Variants in ABCA2 observed in about 807,000 individuals in gnomAD.
ABCA2 encodes ATP-binding cassette sub-family A member 2.
In ABCA2, 84 loss-of-function variants were observed where a neutral mutation model predicts 262.8. That is an observed-to-expected ratio of 0.32 (90% CI 0.27 to 0.38). The LOEUF is 0.38. Ranked by LOEUF, ABCA2 falls within the 10% of genes least tolerant of loss-of-function variation. The pLI is 1.00. For missense variants in ABCA2, 2,662 were observed against 3,405.9 expected, an observed-to-expected ratio of 0.78 and a Z score of 5.44; for synonymous variants, 1,696 against 1,502.9, an observed-to-expected ratio of 1.13 and a Z score of -2.97.
chr9:137,012,229 T>G, intron 33 of ABCA2, 36 bp downstream of exon 33: 1 of 952,210 alleles, frequency 1.1e-6, no homozygotes, highest in Non-Finnish European at 1.5e-6. Context: ...CCCCAGCTCC[T>G]CCCCGCCCCG....
rs959801152 is a variant in ABCA2 at position 137,009,977 on chromosome 9, C to T, written c.6495+6G>A. On this transcript the variant is annotated splice_donor_region_variant and intron_variant, in intron 42 of 48. Transcript: ENST00000341511. Reference sequence around the variant, plus strand: ...TGACTCCCTGCCCCGCCCCACAGATCCTCACCCGGGCCTCGTCCTTCCAGG... The same window carrying T: ...TGACTCCCTGCCCCGCCCCACAGATTCTCACCCGGGCCTCGTCCTTCCAGG... The T allele has an allele frequency of 3.1e-6, 5 of 1,596,912 alleles. No homozygotes were observed. The highest frequency in any genetic ancestry group is 4.3e-6 in the Non-Finnish European group (5 of 1,171,634).
chr9:137,015,897 G>A lies in ABCA2; in HGVS notation c.3318-26C>T, dbSNP rs368268301. 1.3e-4 allele frequency: 203 copies of A among 1,607,290 alleles called. 2 individuals carry two copies. The highest frequency in any genetic ancestry group is 7.4e-4 in the South Asian group (67 of 90,870). Reference sequence around the variant, plus strand: ...CTGGGACAGGGAGGTGGGGCATGGGGCTGCTGCTATGCAGAGCCCCAGGGC... The same window carrying A: ...CTGGGACAGGGAGGTGGGGCATGGGACTGCTGCTATGCAGAGCCCCAGGGC... On this transcript the variant is annotated intron_variant, in intron 22 of 48. Transcript: ENST00000341511.
Position 137,013,165 on chromosome 9 carries a change from C to G in ABCA2, c.4704G>C (p.Ala1568=). The change falls in exon 30 of 49, where the codon GCG becomes GCC. Residue 1568 remains alanine, a synonymous_variant. Transcript: ENST00000341511. ...NLSSGESRLL[A]ARFFDSMCLE... ...GACACATGCTGTCGAAGAACCGAGC[C>G]GCCAGCAGGCGCGACTCCCCGCTGC... The G allele has an allele frequency of 6.3e-7, 1 of 1,599,948 alleles. No individual in the cohort carries two copies. Among genetic ancestry groups the G allele is most frequent in the Non-Finnish European group, 8.5e-7 (1 of 1,175,226 alleles).
rs769240811 is a variant in ABCA2 at position 137,011,005 on chromosome 9, G to A, written c.6024C>T (p.Ile2008=). ...GCCGCAGGAAGTTGTACTGGCACAT[G>A]ATGGTCAGGAGGAAGCCCACGACGC... ...VEGVVGFLLT[I]MCQYNFLRRP... Residue 2008 remains isoleucine, a synonymous_variant, in exon 39 of 49, where the codon ATC becomes ATT. Coordinates refer to ENST00000341511, the MANE Select transcript of ABCA2 (RefSeq NM_001606.5). This position sits in a 1 kb window ranked among gnomAD's most constrained non-coding sequence, Gnocchi z 8.8. 5.9e-5 allele frequency: 94 copies of A among 1,603,666 alleles called. 1 individual carries two copies. The highest frequency in any genetic ancestry group is 3.5e-4 in the Middle Eastern group (2 of 5,764).
chr9:137,014,243 C>A lies in ABCA2; in HGVS notation c.4165G>T (p.Gly1389Cys), dbSNP rs1043052718. The A allele has an allele frequency of 1.1e-5, 17 of 1,610,614 alleles. 1 individual carries two copies. The highest frequency in any genetic ancestry group is 1.7e-6 in the Non-Finnish European group (2 of 1,179,108). Reference protein sequence around the residue: ...VGSARGDEGAGYTDVYGDYRP... With the variant: ...VGSARGDEGACYTDVYGDYRP... ...TAGTCGCCATAGACGTCGGTGTAGC[C>A]AGCTCCCTCGTCGCCACGGGCAGAG... The change falls in exon 27 of 49, where the codon GGC becomes TGC. Residue 1389 changes from glycine (G) to cysteine (C), a missense_variant. Physicochemically the swap from Gly to Cys is radical, Grantham distance 159. This residue lies in a region of ABCA2 where 297 missense variants were observed against 286.5 expected (regional missense o/e 1.04). Coordinates refer to ENST00000341511, the MANE Select transcript of ABCA2 (RefSeq NM_001606.5).
Position 137,008,877 on chromosome 9 carries a change from G to A in ABCA2, c.6931-9C>T. On this transcript the variant is annotated splice_polypyrimidine_tract_variant and intron_variant, in intron 46 of 48. Transcript: ENST00000341511. The stretch of plus-strand genomic sequence containing the variant: ...TTTGTGTGGTGCCGCTCCTGCAGGG[G>A]GGGAGGTCAGAGGCCTGGCAGCGCC... 6.2e-7 allele frequency: 1 copy of A among 1,603,672 alleles called. No individual in the cohort carries two copies. The highest frequency in any genetic ancestry group is 8.5e-7 in the Non-Finnish European group (1 of 1,179,434).
intron 45 of ABCA2, 45 bp downstream of exon 45, chr9:137,009,325 C>G: frequency 9.5e-7 from 1 of 1,055,100 alleles, no homozygotes; most frequent in Non-Finnish European, 1.4e-6. Context: ...CTGGCCGCCC[C>G]CCCCGGGCCC....
chr9:137,013,298 G>GCGT lies in ABCA2; in HGVS notation c.4568_4570dup (p.Asp1523dup). 2 of 1,563,900 alleles carry GCGT rather than the reference G, an allele frequency of 1.3e-6. No homozygotes were observed. The highest frequency in any genetic ancestry group is 2.3e-5 in the South Asian group (2 of 86,270). ...CGTGCTCACGAGCTGCTGGGGGCTG[G>GCGT]CGTCGGGCGATAGCCGCAGCCTGCG... On this transcript the variant is annotated inframe_insertion, in exon 30 of 49. Coordinates refer to ENST00000341511, the MANE Select transcript of ABCA2 (RefSeq NM_001606.5).
At position 137,028,079 on chromosome 9, in the gene ABCA2, C is replaced by T; in HGVS notation, c.62G>A (p.Ser21Asn). Reference protein sequence around the residue: ...LWKNVTLKRRSPWVLAFEIFI... With the variant: ...LWKNVTLKRRNPWVLAFEIFI... ...GGGCGCGTGGGGTGGGCTCACCGGG[C>T]TCCGGCGTTTGAGCGTCACGTTCTT... The change falls in exon 1 of 49, where the codon AGC (serine) becomes AAC (asparagine). Residue 21 changes from serine (S) to asparagine (N), a missense_variant. Ser to Asn is a conservative substitution (Grantham distance 46). This residue lies in a region of ABCA2 where 101 missense variants were observed against 152.3 expected (regional missense o/e 0.66). Transcript: ENST00000341511. The surrounding 1 kb of genome is among the most constrained non-coding windows in gnomAD (Gnocchi z 6.9). 1.0e-6 allele frequency: 1 copy of T among 987,416 alleles called. No homozygotes were observed. Among genetic ancestry groups the T allele is most frequent in the Non-Finnish European group, 1.2e-6 (1 of 831,220 alleles). 61.2% of individuals were successfully genotyped at this position (987,416 alleles called of 1,614,324 possible). A position where few individuals can be genotyped will look rare whatever the true frequency, so the allele number is the denominator to read the frequency against.
chr9:137,011,511 C>T lies in ABCA2; in HGVS notation c.5695G>A (p.Glu1899Lys), dbSNP rs1294383727. The T allele has an allele frequency of 5.0e-6, 8 of 1,597,324 alleles. No homozygotes were observed. The highest frequency in any genetic ancestry group is 3.5e-5 in the Admixed American group (2 of 57,774). The change falls in exon 37 of 49, where the codon GAG becomes AAG. Residue 1899 changes from glutamate to lysine, a missense_variant. Glu to Lys is a moderately conservative substitution (Grantham distance 56, BLOSUM62 1). This residue lies in a region of ABCA2 where 602 missense variants were observed against 897.4 expected (regional missense o/e 0.67). Coordinates refer to ENST00000341511, the MANE Select transcript of ABCA2 (RefSeq NM_001606.5). The surrounding 1 kb of genome is among the most constrained non-coding windows in gnomAD (Gnocchi z 8.8). ...PIMYPASFWF[E>K]VPSSAYVFLI... is the part of the protein sequence containing the mutation. ...AACACGTAGGCGGAGCTGGGGACCT[C>T]GAACCAGAAGGAGGCCGGGTACATG...
rs1831517960 is a variant in ABCA2 at position 137,022,792 on chromosome 9, G to A, written c.349C>T (p.Leu117=). The A allele has an allele frequency of 1.9e-6, 3 of 1,597,504 alleles. No homozygotes were observed. The highest frequency in any genetic ancestry group is 1.3e-5 in the African/African-American group (1 of 74,800). ...CGTAGGGCCTCGAGCTCTGAGCCCA[G>A]GCTGGGCCGCGCTGGGTCAAACAGG... The part of the protein sequence containing the change: ...GNLFDPARPS[L]GSELEALRQH... Residue 117 remains leucine (L), a synonymous_variant, in exon 5 of 49, where the codon CTG becomes TTG. Coordinates refer to ENST00000341511, the MANE Select transcript of ABCA2 (RefSeq NM_001606.5).
Position 137,011,156 on chromosome 9 carries a change from C to T in ABCA2, c.5923+30G>A. On this transcript the variant is annotated intron_variant, in intron 38 of 48. Coordinates refer to ENST00000341511, the MANE Select transcript of ABCA2 (RefSeq NM_001606.5). This position sits in a 1 kb window ranked among gnomAD's most constrained non-coding sequence, Gnocchi z 8.8. ...TGCTCTGGGCCTTGCGGGGCCCCCA[C>T]CGCCTTCCCCGCCCCACGGGCCCCC... 6.2e-7 allele frequency: 1 copy of T among 1,612,230 alleles called. No homozygotes were observed.
At position 137,015,589 on chromosome 9, in the gene ABCA2, G is replaced by A; in HGVS notation, c.3522C>T (p.Thr1174=). ...CCATGTGGTGGGTGGACAGAAGGAT[G>A]GTGCGGCCTAGGACAAGGCCAGACC... ...DLILKYKPGR[T]ILLSTHHMDE... Residue 1174 remains threonine, a synonymous_variant, in exon 24 of 49, where the codon ACC becomes ACT. Transcript: ENST00000341511. 6.2e-7 allele frequency: 1 copy of A among 1,612,412 alleles called. No individual in the cohort carries two copies. The highest frequency in any genetic ancestry group is 8.5e-7 in the Non-Finnish European group (1 of 1,179,720).
In ABCA2 at chr9:137,022,387, G is replaced by A; in HGVS notation, c.531C>T (p.Ala177=). 1.2e-6 allele frequency: 2 copies of A among 1,611,208 alleles called. No individual in the cohort carries two copies. The highest frequency in any genetic ancestry group is 1.7e-6 in the Non-Finnish European group (2 of 1,179,402). ...CCACACGGGCGGCCAAGAGTGCTTG[G>A]GCCGTGCTATTGGGCAGCGACAAGT... ...TQNLSLPNST[A]QALLAARVDP... Residue 177 remains alanine, a synonymous_variant, in exon 6 of 49, where the codon GCC becomes GCT. Transcript: ENST00000341511.
chr9:137,018,504 G>A (rs1241277754), intron 13 of ABCA2, among the ~76,000 whole-genome samples, 153 bp from the exon 14 acceptor site: 25 of 112,210 alleles, frequency 2.2e-4, no homozygotes, highest in Non-Finnish European at 4.1e-4. Flanking sequence ...GGGGGCCCCA[G>A]GGGAAAGGTG....
Position 137,013,301 on chromosome 9 carries a change from T to A in ABCA2, c.4568A>T (p.Asp1523Val). 1 of 1,560,862 alleles carries A rather than the reference T, an allele frequency of 6.4e-7. No homozygotes were observed. Residue 1523 changes from aspartate to valine, a missense_variant, in exon 30 of 49, where the codon GAC (aspartate) becomes GTC (valine). Around this residue, in one of 12 missense-constraint regions of ABCA2, gnomAD observed 192 missense variants for 207.2 expected, o/e 0.93. Coordinates refer to ENST00000341511, the MANE Select transcript of ABCA2 (RefSeq NM_001606.5). The stretch of plus-strand genomic sequence containing the variant: ...GCTCACGAGCTGCTGGGGGCTGGCG[T>A]CGGGCGATAGCCGCAGCCTGCGGGC... ...RREYRLRLSPDASPQQLVSTF... is the reference protein window; with the variant it reads ...RREYRLRLSPVASPQQLVSTF...
Position 137,019,355 on chromosome 9 carries a change from G to A in ABCA2, c.1426-49C>T, listed in dbSNP as rs777705851. Reference sequence around the variant, plus strand: ...TGGAGTTTCTGGACGGACCCCCACCGACTTGGGGGCTCTCACCCCACTCAC... The same window carrying A: ...TGGAGTTTCTGGACGGACCCCCACCAACTTGGGGGCTCTCACCCCACTCAC... On this transcript the variant is annotated intron_variant, in intron 10 of 48. Coordinates refer to ENST00000341511, the MANE Select transcript of ABCA2 (RefSeq NM_001606.5). This position sits in a 1 kb window ranked among gnomAD's most constrained non-coding sequence, Gnocchi z 4.4. The A allele has an allele frequency of 3.1e-5, 50 of 1,595,924 alleles. No homozygotes were observed. Among genetic ancestry groups the A allele is most frequent in the Non-Finnish European group, 3.2e-5 (37 of 1,168,928 alleles).
intron 1 of ABCA2, among the ~76,000 whole-genome samples, chr9:137,024,924 G>T (rs191307197): frequency 6.6e-6 from 1 of 151,634 alleles, no homozygotes; most frequent in South Asian, 2.1e-4. Context: ...TCAGCCTCTC[G>T]AGTAGCTGGG....
intron 34 of ABCA2, 24 bp from the exon 35 acceptor site, chr9:137,012,042 C>T (rs1316727805): frequency 6.2e-7 from 1 of 1,612,334 alleles, no homozygotes; most frequent in South Asian, 1.1e-5. Flanking sequence ...GCCCTCAGTC[C>T]TCACGGCCGG....
Sources: allele counts gnomAD v4.1 joint callset (sites outside exome capture counted in the v4.1 genomes callset), GRCh38; gene constraint gnomAD v4.1.1; regional missense constraint gnomAD v4.1.1; non-coding constraint Gnocchi (gnomAD v3.1); transcripts MANE v1.5; gene names NCBI Gene and HGNC (gene_info 2026-07-23, HGNC 2026-07-21).